PI15: variants seen among roughly 807,000 people sequenced by gnomAD.
PI15 encodes 25 kDa trypsin inhibitor.
Under a neutral mutation model 31.0 loss-of-function variants are expected in PI15, and 18 were observed. That is an observed-to-expected ratio of 0.58 (90% CI 0.40 to 0.86). PI15 has a LOEUF of 0.86. PI15 is among the 40% of genes least tolerant of loss of function. The pLI is 0.00. For synonymous variants in PI15, 118 were observed against 119.1 expected (o/e 0.99, Z 0.06); for missense variants, 282 against 328.1 (o/e 0.86, Z 1.09).
chr8:74,838,669 T>A (rs1810903781), intron 2 of PI15, among the ~76,000 whole-genome samples: 1 of 152,208 alleles, frequency 6.6e-6, no homozygotes, highest in African/African-American at 2.4e-5. Context: ...GGGCACTATT[T>A]GGATTTTTAC....
At chr8:74,828,737 C>G (rs538689391) in intron 2 of PI15, among the ~76,000 whole-genome samples, 1 of 152,184 alleles carries the variant, frequency 6.6e-6, no homozygotes, top group African/African-American at 2.4e-5. Flanking sequence ...TGAGTGATAT[C>G]ACCCAAGGGA....
Position 74,825,534 on chromosome 8 carries a change from T to G in PI15, c.273+12T>G. On this transcript the variant is annotated intron_variant, in intron 2 of 5. Transcript: ENST00000260113. ...ATATGGAATATATGGTAAGAAGAAT[T>G]CTTTTTTTTTTTTTTAAGTTCTGAG... The G allele has an allele frequency of 1.3e-6, 2 of 1,554,344 alleles. No individual in the cohort carries two copies. Among genetic ancestry groups the G allele is most frequent in the Non-Finnish European group, 1.7e-6 (2 of 1,149,862 alleles).
chr8:74,840,958 C>T (rs1328789672), intron 2 of PI15, among the ~76,000 whole-genome samples: 2 of 152,070 alleles, frequency 1.3e-5, no homozygotes, highest in Non-Finnish European at 2.9e-5. Context: ...TAATAGTTAA[C>T]AAAGGATGGT....
At chr8:74,825,175 T>C in intron 1 of PI15, 35 bp from the exon 2 acceptor site, 2 of 1,321,808 alleles carry the variant, frequency 1.5e-6, no homozygotes, top group Non-Finnish European at 2.1e-6. Flanking sequence ...CCTATTTTTT[T>C]TCATAGACCC....
chr8:74,848,735 A>G (rs1172914233), intron 5 of PI15, among the ~76,000 whole-genome samples: 1 of 146,056 alleles, frequency 6.8e-6, no homozygotes, highest in Non-Finnish European at 1.5e-5. Context: ...ATATATATAG[A>G]GAGAGAGAGA....
chr8:74,838,560 C>T (rs1252914100), intron 2 of PI15, among the ~76,000 whole-genome samples: 1 of 152,040 alleles, frequency 6.6e-6, no homozygotes, highest in East Asian at 1.9e-4. Flanking sequence ...CTATTCCCAC[C>T]TCCCTCCCAC....
In PI15 at chr8:74,834,764, T is replaced by C. The variant is rs983807523; in HGVS notation, c.274-9217T>C. On this transcript the variant is annotated intron_variant, in intron 2 of 5. Coordinates refer to ENST00000260113, the MANE Select transcript of PI15 (RefSeq NM_015886.5). The stretch of plus-strand genomic sequence containing the variant: ...CACTTTCTGGTTGGGTTACAACATG[T>C]GTGTGTTCTTCTGACCATGAGATGC... Among the ~76,000 whole-genome samples, 5 of 152,266 alleles carry C rather than the reference T, an allele frequency of 3.3e-5. No individual in the cohort carries two copies. The South Asian group carries it at 8.3e-4, about 25-fold the overall frequency.
chr8:74,838,832 C>T (rs1023964204), intron 2 of PI15, among the ~76,000 whole-genome samples: 9 of 152,144 alleles, frequency 5.9e-5, no homozygotes, highest in African/African-American at 1.4e-4. Flanking sequence ...TTTCTTATGG[C>T]GTTTCTTACT....
intron 2 of PI15, among the ~76,000 whole-genome samples, chr8:74,835,773 C>T (rs772881918): frequency 1.8e-4 from 28 of 152,276 alleles, no homozygotes; most frequent in Admixed American, 1.6e-3. Context: ...TTTCACAGTG[C>T]ACATTTAATG....
rs563555764 is a variant in PI15, at chr8:74,832,656, T to A, written c.273+7134T>A. On this transcript the variant is annotated intron_variant, in intron 2 of 5. Transcript: ENST00000260113. ...TAGTATGAAGTGGGCACAGAAGATA[T>A]AAACTAACAGTTTAAAATGGTCAAG... Among the ~76,000 whole-genome samples the A allele has an allele frequency of 6.6e-5, 10 of 152,244 alleles. No homozygotes were observed. The East Asian group carries it at 1.9e-3, about 29-fold the overall frequency.
intron 2 of PI15, 54 bp from the exon 3 acceptor site, chr8:74,843,927 T>G: frequency 1.2e-6 from 1 of 836,794 alleles, no homozygotes; most frequent in Non-Finnish European, 2.1e-6. Flanking sequence ...TTTGTCTTAC[T>G]TTTTGTTTGT....
chr8:74,833,541 C>T lies in PI15; in HGVS notation c.273+8019C>T, dbSNP rs186093781. Among the ~76,000 whole-genome samples the T allele has an allele frequency of 1.3e-3, 200 of 152,080 alleles. 2 individuals carry two copies. Among genetic ancestry groups the T allele is most frequent in the Admixed American group, 5.4e-3 (82 of 15,248 alleles). ...ACTTCCGGCTGCCAGATAATGTGAT[C>T]AAAAGTGCACCTCACTGCTTTTCAT... On this transcript the variant is annotated intron_variant, in intron 2 of 5. Transcript: ENST00000260113.
At chr8:74,848,732 TAGAG>T (rs1004356103) in intron 5 of PI15, among the ~76,000 whole-genome samples, 57 of 136,354 alleles carry the variant, frequency 4.2e-4, no homozygotes, top group African/African-American at 1.5e-3. Context: ...TATATATATA[TAGAG>T]AGAGAGAGAG....
intron 2 of PI15, among the ~76,000 whole-genome samples, chr8:74,829,856 G>T (rs1240173165): frequency 3.9e-5 from 6 of 152,070 alleles, no homozygotes; most frequent in Non-Finnish European, 8.8e-5. Flanking sequence ...GGTCAAGGTT[G>T]GCTGTTACAG....
intron 3 of PI15, among the ~76,000 whole-genome samples, chr8:74,844,644 A>T (rs7840727): frequency 0.48 from 73,393 of 151,944 alleles, 19,936 homozygotes; most frequent in African/African-American, 0.73. Flanking sequence ...CACTGTGCAA[A>T]GTCGTTATCC....
chr8:74,833,175 A>C (rs1254912183), intron 2 of PI15, among the ~76,000 whole-genome samples: 1 of 152,116 alleles, frequency 6.6e-6, no homozygotes, highest in East Asian at 1.9e-4. Context: ...AAAACAATTA[A>C]ACACATGTAG....
intron 2 of PI15, among the ~76,000 whole-genome samples, chr8:74,840,357 A>T (rs1444638502): frequency 2.0e-5 from 3 of 152,170 alleles, no homozygotes; most frequent in Admixed American, 2.0e-4. Context: ...ATTTGTACCC[A>T]TTAATCAACT....
intron 3 of PI15, among the ~76,000 whole-genome samples, chr8:74,844,346 C>G (rs181933543): frequency 1.3e-5 from 2 of 151,916 alleles, no homozygotes; most frequent in Non-Finnish European, 2.9e-5. Context: ...TCTTTGAGCT[C>G]GCAGAATCTT....
chr8:74,845,518 T>C, intron 5 of PI15, 21 bp downstream of exon 5: 1 of 1,440,950 alleles, frequency 6.9e-7, no homozygotes, highest in Non-Finnish European at 9.8e-7. Flanking sequence ...GGTTGGATTC[T>C]ATTTCCTGGA....
Sources: gnomAD v4.1 joint callset for allele counts (sites outside exome capture counted in the v4.1 genomes callset) on GRCh38, gnomAD v4.1.1 for gene constraint, MANE v1.5 for transcripts, NCBI Gene and HGNC (gene_info 2026-07-23, HGNC 2026-07-21) for gene names.